The following NEXN variants were observed in gnomAD, a reference collection of about 807,000 sequenced individuals.
The protein encoded by NEXN is nexilin F-actin binding protein, also known as nexilin.
In NEXN, 65 loss-of-function variants were observed where a neutral mutation model predicts 92.6. That is an observed-to-expected ratio of 0.70 (90% CI 0.57 to 0.86). NEXN has a LOEUF of 0.86. Ranked by LOEUF, NEXN falls within the 40% of genes least tolerant of loss-of-function variation. NEXN has a pLI of 0.00. For missense variants in NEXN, 778 were observed against 771.1 expected (o/e 1.01, Z -0.11); for synonymous variants, 254 against 242.5 (o/e 1.05, Z -0.44).
At position 77,903,962 on chromosome 1, in the gene NEXN, A is replaced by G. The variant is rs1320047925; in HGVS notation, c.-52-12093A>G. 5.3e-5 allele frequency among the ~76,000 whole-genome samples: 8 copies of G among 152,086 alleles called. 1 individual carries two copies. The highest frequency in any genetic ancestry group is 5.2e-4 in the Admixed American group (8 of 15,258). ...GTGGGAGGAGATGATAAAATAAGTC[A>G]AAGATTAAATTGATATTTGAAATTT... On this transcript the variant is annotated intron_variant, in intron 1 of 12. Coordinates refer to ENST00000334785, the MANE Select transcript of NEXN (RefSeq NM_144573.4).
At chr1:77,893,984 C>G (rs966861689) in intron 1 of NEXN, among the ~76,000 whole-genome samples, 2 of 152,058 alleles carry the variant, frequency 1.3e-5, no homozygotes, top group African/African-American at 4.8e-5. Flanking sequence ...TTCGCCACCA[C>G]GCCTGGCTAA....
At chr1:77,931,252 A>C (rs1017645656) in intron 9 of NEXN, among the ~76,000 whole-genome samples, 1 of 51,892 alleles carries the variant, frequency 1.9e-5, no homozygotes, top group Non-Finnish European at 5.4e-5. Context: ...AAAAAAAAAA[A>C]AAAAAAAAAA....
At chr1:77,930,420 C>T (rs533275994) in intron 9 of NEXN, among the ~76,000 whole-genome samples, 5 of 152,222 alleles carry the variant, frequency 3.3e-5, no homozygotes, top group African/African-American at 1.2e-4. Flanking sequence ...ACTGTTACAA[C>T]TTGCCTGGGG....
chr1:77,942,900 C>G lies in NEXN; in HGVS notation c.*71C>G. On this transcript the variant is annotated 3_prime_UTR_variant, in exon 13 of 13. Transcript: ENST00000334785. ...TCACTTTTCTTCTTCTCTTTTTTAG[C>G]TGATGACTACTAGCTCCCCTCCCCT... 1 of 1,501,000 alleles carries G rather than the reference C, an allele frequency of 6.7e-7. No individual in the cohort carries two copies. Among genetic ancestry groups the G allele is most frequent in the South Asian group, 1.2e-5 (1 of 82,446 alleles). 93.0% of individuals were successfully genotyped at this position (1,501,000 alleles called of 1,614,324 possible).
chr1:77,889,547 C>T (rs1647059086), intron 1 of NEXN: 1 of 152,296 alleles, frequency 6.6e-6, no homozygotes, highest in Non-Finnish European at 1.5e-5. Flanking sequence ...AAACGTTCTA[C>T]AAATGCATTA....
intron 1 of NEXN, among the ~76,000 whole-genome samples, chr1:77,901,018 G>T (rs909259528): frequency 3.9e-5 from 6 of 152,280 alleles, no homozygotes; most frequent in East Asian, 3.9e-4. Flanking sequence ...GAATTAAGTT[G>T]TTAAGCCAAT....
intron 9 of NEXN, among the ~76,000 whole-genome samples, chr1:77,931,397 A>T (rs1389230256): frequency 3.8e-5 from 5 of 132,572 alleles, no homozygotes; most frequent in Non-Finnish European, 7.9e-5. Flanking sequence ...TGGGGGACAG[A>T]GTGAGACTCC....
Position 77,942,857 on chromosome 1 carries a change from A to AT in NEXN, c.*37dup, listed in dbSNP as rs746764305. The AT allele has an allele frequency of 1.8e-4, 280 of 1,557,668 alleles. No individual in the cohort carries two copies. Among genetic ancestry groups the AT allele is most frequent in the African/African-American group, 2.6e-4 (19 of 72,276 alleles). ...ACTCTTTTTATCTTTTATTCTATTAATTTTTTTTTCCTTAAAATCACTTTT... is the reference window on the plus strand; with the variant it reads ...ACTCTTTTTATCTTTTATTCTATTAATTTTTTTTTTCCTTAAAATCACTTTT... On this transcript the variant is annotated 3_prime_UTR_variant, in exon 13 of 13. Coordinates refer to ENST00000334785, the MANE Select transcript of NEXN (RefSeq NM_144573.4).
At chr1:77,941,264 CTGAAGTACTT>C (rs1651281604) in intron 11 of NEXN, among the ~76,000 whole-genome samples, 1 of 151,614 alleles carries the variant, frequency 6.6e-6, no homozygotes, top group Non-Finnish European at 1.5e-5. Flanking sequence ...AAGTCAACAA[CTGAAGTACTT>C]TAGAAACCAT....
At chr1:77,942,000 A>AGGG in intron 11 of NEXN, 23 bp from the exon 12 acceptor site, 1 of 1,607,816 alleles carries the variant, frequency 6.2e-7, no homozygotes, top group Non-Finnish European at 8.5e-7. Context: ...AGCAATTGTT[A>AGGG]ATCTTGGCCC....
chr1:77,943,280 A>T lies in NEXN; in HGVS notation c.*451A>T. On this transcript the variant is annotated 3_prime_UTR_variant, in exon 13 of 13. Transcript: ENST00000334785. ...ACCTAAGTAGAATACATTATTTTGC[A>T]TGAAGGAATGTCATTTCTGAGCTTT... 5.7e-6 allele frequency: 1 copy of T among 176,682 alleles called. No homozygotes were observed. The highest frequency in any genetic ancestry group is 1.5e-4 in the East Asian group (1 of 6,500). 10.9% of individuals were successfully genotyped at this position (176,682 alleles called of 1,614,324 possible). A position where few individuals can be genotyped will look rare whatever the true frequency, so the allele number is the denominator to read the frequency against.
intron 9 of NEXN, chr1:77,931,843 C>T (rs568993970): frequency 6.6e-6 from 1 of 152,192 alleles, no homozygotes; most frequent in African/African-American, 2.4e-5. Context: ...TGAATAATAC[C>T]CCTTGCCTCT....
chr1:77,922,930 T>G (rs1649547234), intron 5 of NEXN, among the ~76,000 whole-genome samples: 1 of 151,528 alleles, frequency 6.6e-6, no homozygotes, highest in African/African-American at 2.4e-5. Flanking sequence ...GAAAATAAAC[T>G]ATTAAAGTAT....
chr1:77,891,376 A>G (rs1391398042), intron 1 of NEXN, among the ~76,000 whole-genome samples: 1 of 152,156 alleles, frequency 6.6e-6, no homozygotes, highest in East Asian at 1.9e-4. Context: ...ACATATCTCA[A>G]TAAAACAACA....
chr1:77,938,055 T>C (rs1650924824), intron 11 of NEXN, among the ~76,000 whole-genome samples: 1 of 152,040 alleles, frequency 6.6e-6, no homozygotes, highest in East Asian at 1.9e-4. Flanking sequence ...GAAGGAATCA[T>C]AGTGACAGGG....
chr1:77,926,835 A>G lies in NEXN; in HGVS notation c.807A>G (p.Glu269=). 6.2e-7 allele frequency: 1 copy of G among 1,614,054 alleles called. No homozygotes were observed. ...QENRKKQAEE[E]ARKRLEEEKR... Reference sequence around the variant, plus strand: ...ACCGAAAGAAGCAAGCTGAAGAGGAAGCAAGAAAACGTTTAGAAGAAGAGA... The same window carrying G: ...ACCGAAAGAAGCAAGCTGAAGAGGAGGCAAGAAAACGTTTAGAAGAAGAGA... The change falls in exon 8 of 13, where the codon GAA becomes GAG. Residue 269 remains glutamate, a synonymous_variant. Transcript: ENST00000334785.
At position 77,943,687 on chromosome 1, in the gene NEXN, A is replaced by G. The variant is rs573875055; in HGVS notation, c.*858A>G. 1 of 152,220 alleles carries G rather than the reference A, an allele frequency of 6.6e-6. No homozygotes were observed. Among genetic ancestry groups the G allele is most frequent in the South Asian group, 2.1e-4 (1 of 4,834 alleles). The allele number at this position is 152,220 out of a possible 1,614,324, so 9.4% of individuals were successfully genotyped here. A position where few individuals can be genotyped will look rare whatever the true frequency, so the allele number is the denominator to read the frequency against. On this transcript the variant is annotated 3_prime_UTR_variant, in exon 13 of 13. Coordinates refer to ENST00000334785, the MANE Select transcript of NEXN (RefSeq NM_144573.4). ...ATTAATAGTTCACGCAAGAGAAAACACTTTCAACATAGTCGAAGGCTTCAA... is the reference window on the plus strand; with the variant it reads ...ATTAATAGTTCACGCAAGAGAAAACGCTTTCAACATAGTCGAAGGCTTCAA...
chr1:77,922,409 G>A (rs1209959736), intron 5 of NEXN, among the ~76,000 whole-genome samples: 8 of 151,956 alleles, frequency 5.3e-5, no homozygotes, highest in South Asian at 2.1e-4. Context: ...GATTACAGGC[G>A]TGAGCCACCG....
At position 77,935,935 on chromosome 1, in the gene NEXN, T is replaced by G; in HGVS notation, c.1364T>G (p.Ile455Ser). The G allele has an allele frequency of 6.2e-7, 1 of 1,613,722 alleles. No homozygotes were observed. The highest frequency in any genetic ancestry group is 1.1e-5 in the South Asian group (1 of 91,004). ...AKNLKSKFEK[I>S]GQLSEKEIQK... Reference sequence around the variant, plus strand: ...AACCTAAAAAGCAAGTTTGAAAAAATTGGACAGTTGTCTGAAAAAGAAATA... The same window carrying G: ...AACCTAAAAAGCAAGTTTGAAAAAAGTGGACAGTTGTCTGAAAAAGAAATA... The change falls in exon 11 of 13, where the codon ATT becomes AGT. Residue 455 changes from isoleucine (I) to serine (S), a missense_variant. Ile to Ser is a moderately radical substitution (Grantham distance 142). Around this residue, in one of 3 missense-constraint regions of NEXN, gnomAD observed 532 missense variants for 476.7 expected, o/e 1.12. Transcript: ENST00000334785.
Sources: allele counts gnomAD v4.1 joint callset (sites outside exome capture counted in the v4.1 genomes callset), GRCh38; gene constraint gnomAD v4.1.1; regional missense constraint gnomAD v4.1.1; transcripts MANE v1.5; gene names NCBI Gene and HGNC (gene_info 2026-07-23, HGNC 2026-07-21).